Variants in NBAS observed in about 807,000 individuals in gnomAD.
NBAS encodes the protein NAG/BC035112 fusion.
NBAS carries 219 observed loss-of-function variants against 302.5 expected under a neutral mutation model. That is an observed-to-expected ratio of 0.72 (90% CI 0.65 to 0.81). NBAS has a LOEUF of 0.81. Among genes scored for constraint, NBAS ranks in the 30% least tolerant of loss-of-function variants. The probability of loss-of-function intolerance (pLI) is 0.00; values close to 1 mark genes in which losing one functional copy is unlikely to be tolerated. For missense variants in NBAS, 2,932 were observed against 2,841.6 expected (o/e 1.03, Z -0.72); for synonymous variants, 1,118 against 1,021.6 (o/e 1.09, Z -1.80).
the NBAS span, among the ~76,000 whole-genome samples, chr2:14,794,138 A>G: frequency 2.6e-5 from 4 of 152,158 alleles, no homozygotes; most frequent in African/African-American, 9.7e-5. Flanking sequence ...ATGAATGACT[A>G]TTTTCCCCCT....
chr2:15,133,122 A>G, the NBAS span, among the ~76,000 whole-genome samples: 3 of 152,328 alleles, frequency 2.0e-5, 1 homozygote, highest in South Asian at 6.2e-4. Flanking sequence ...AGTGGTTGTT[A>G]AGGCCTACTG....
chr2:15,152,566 G>C, the NBAS span, among the ~76,000 whole-genome samples: 8 of 152,328 alleles, frequency 5.3e-5, no homozygotes, highest in East Asian at 1.5e-3. Context: ...ATGTCCATAT[G>C]AGGTAAATGC....
chr2:15,039,993 A>G, the NBAS span, among the ~76,000 whole-genome samples: 1 of 152,208 alleles, frequency 6.6e-6, no homozygotes, highest in African/African-American at 2.4e-5. Flanking sequence ...ACGGTGATCC[A>G]TCTTCCCCGT....
intron 9 of NBAS, among the ~76,000 whole-genome samples, chr2:15,514,463 G>C (rs79806229): frequency 0.02 from 2,988 of 152,074 alleles, 68 homozygotes; most frequent in East Asian, 0.056. Context: ...TTAAAAACTA[G>C]TAACCTACTA....
At chr2:15,125,879 T>C in the NBAS span, among the ~76,000 whole-genome samples, 1,153 of 152,308 alleles carry the variant, frequency 7.6e-3, 13 homozygotes, top group African/African-American at 0.026. Flanking sequence ...CTTGATTAAG[T>C]TGATGCTGGA....
the NBAS span, among the ~76,000 whole-genome samples, chr2:15,112,761 G>GATTTTATATTCAGTAAAATTA: frequency 1.4e-4 from 21 of 152,050 alleles, no homozygotes; most frequent in Middle Eastern, 3.4e-3. Flanking sequence ...AATATAAACC[G>GATTTTATATTCAGTAAAATTA]AATTTCAAGT....
At chr2:15,400,459 AG>A (rs1016529855) in intron 26 of NBAS, among the ~76,000 whole-genome samples, 4 of 152,198 alleles carry the variant, frequency 2.6e-5, no homozygotes, top group Non-Finnish European at 5.9e-5. Flanking sequence ...GAATGGTAGG[AG>A]AAGTGGATAT....
the NBAS span, among the ~76,000 whole-genome samples, chr2:14,864,256 G>C: frequency 5.3e-5 from 8 of 151,520 alleles, no homozygotes; most frequent in East Asian, 1.6e-3. Context: ...GGTAGGAGGA[G>C]GTTGTAGTGA....
intron 25 of NBAS, among the ~76,000 whole-genome samples, chr2:15,404,582 G>A (rs1572794834): frequency 6.6e-6 from 1 of 150,658 alleles, no homozygotes; most frequent in Non-Finnish European, 1.5e-5. Flanking sequence ...GTGCAATCTC[G>A]GCTCACAGCA....
intron 46 of NBAS, among the ~76,000 whole-genome samples, chr2:15,233,568 A>G (rs1264445916): frequency 6.6e-6 from 1 of 152,230 alleles, no homozygotes; most frequent in East Asian, 1.9e-4. Flanking sequence ...TGGCCAACAA[A>G]TATCTGTCAT....
chr2:14,921,327 T>C, the NBAS span, among the ~76,000 whole-genome samples: 23 of 152,246 alleles, frequency 1.5e-4, no homozygotes, highest in East Asian at 4.2e-3. Context: ...AGATGACTGA[T>C]CACAGATCAC....
At chr2:15,014,930 A>G in the NBAS span, among the ~76,000 whole-genome samples, 1 of 151,946 alleles carries the variant, frequency 6.6e-6, no homozygotes, top group Non-Finnish European at 1.5e-5. Context: ...AAATAATAAA[A>G]TCAGAAGCAA....
the NBAS span, among the ~76,000 whole-genome samples, chr2:15,157,469 C>T: frequency 0.021 from 3,162 of 152,266 alleles, 58 homozygotes; most frequent in Middle Eastern, 0.031. Context: ...TCCCAGTGTG[C>T]GTTTAGGGCC....
chr2:15,425,904 G>A (rs759541275), intron 22 of NBAS, among the ~76,000 whole-genome samples: 5 of 151,978 alleles, frequency 3.3e-5, no homozygotes, highest in African/African-American at 7.3e-5. Context: ...CTGTCATGCC[G>A]TGAAGCATTC....
chr2:14,869,000 C>T, the NBAS span, among the ~76,000 whole-genome samples: 1 of 152,042 alleles, frequency 6.6e-6, no homozygotes, highest in Non-Finnish European at 1.5e-5. Flanking sequence ...GGACATGTCA[C>T]CAGTTATATG....
the NBAS span, among the ~76,000 whole-genome samples, chr2:14,983,493 C>T: frequency 1.3e-5 from 2 of 152,134 alleles, no homozygotes; most frequent in African/African-American, 4.8e-5. Context: ...GAATCAAATC[C>T]GTTAATACGT....
At chr2:14,795,474 CATATAT>C in the NBAS span, among the ~76,000 whole-genome samples, 2 of 147,754 alleles carry the variant, frequency 1.4e-5, no homozygotes, top group African/African-American at 5.3e-5. Context: ...CAAGATTTTA[CATATAT>C]ATATATATTC....
chr2:14,897,201 A>G, the NBAS span, among the ~76,000 whole-genome samples: 3 of 152,030 alleles, frequency 2.0e-5, no homozygotes, highest in East Asian at 5.8e-4. Context: ...CTGCTTCAGT[A>G]TTTTCACAGC....
At chr2:15,526,138 A>T (rs1252169913) in intron 9 of NBAS, among the ~76,000 whole-genome samples, 1 of 152,216 alleles carries the variant, frequency 6.6e-6, no homozygotes, top group East Asian at 1.9e-4. Context: ...TAAGAATAGA[A>T]AAAAAGATGG....
Sources: gnomAD v4.1 joint callset for allele counts (sites outside exome capture counted in the v4.1 genomes callset) on GRCh38, gnomAD v4.1.1 for gene constraint, MANE v1.5 for transcripts, NCBI Gene and HGNC (gene_info 2026-07-23, HGNC 2026-07-21) for gene names.